The following RNF38 variants were observed in gnomAD, a reference collection of about 807,000 sequenced individuals.
The protein encoded by RNF38 is E3 ubiquitin-protein ligase RNF38.
A neutral mutation model predicts 67.2 loss-of-function variants in RNF38; 15 were observed. The observed-to-expected ratio is 0.22, with a 90% confidence interval of 0.15 to 0.34. RNF38 has a LOEUF of 0.34. RNF38 is among the 10% of genes least tolerant of loss of function. RNF38 has a pLI of 1.00. For synonymous variants in RNF38, 220 were observed against 218.8 expected, an observed-to-expected ratio of 1.01 and a Z score of -0.05; for missense variants, 524 against 639.9, an observed-to-expected ratio of 0.82 and a Z score of 1.95.
At chr9:36,450,808 G>C (rs569490074) in intron 1 of RNF38, among the ~76,000 whole-genome samples, 4 of 152,158 alleles carry the variant, frequency 2.6e-5, no homozygotes, top group Non-Finnish European at 5.9e-5. Flanking sequence ...CAGCTACTTG[G>C]GAGGCTGAGG....
intron 1 of RNF38, among the ~76,000 whole-genome samples, chr9:36,390,893 C>T (rs1837030179): frequency 6.6e-6 from 1 of 152,180 alleles, no homozygotes; most frequent in Non-Finnish European, 1.5e-5. Flanking sequence ...GTAACTTTTT[C>T]TGCTGGTGTT....
intron 1 of RNF38, among the ~76,000 whole-genome samples, chr9:36,432,462 C>G (rs1838952813): frequency 6.6e-6 from 1 of 151,640 alleles, no homozygotes; most frequent in Non-Finnish European, 1.5e-5. Context: ...CCACTCATAA[C>G]TTCCCATTTT....
At chr9:36,385,024 T>G (rs1274275855) in intron 2 of RNF38, among the ~76,000 whole-genome samples, 10 of 152,164 alleles carry the variant, frequency 6.6e-5, no homozygotes, top group Non-Finnish European at 1.5e-4. Flanking sequence ...TACAACTACA[T>G]GCGAAGTTGC....
At chr9:36,487,643 T>A, upstream of RNF38, 1 of 907,518 alleles carries the variant, frequency 1.1e-6, no homozygotes, top group Non-Finnish European at 1.3e-6. Context: ...GCAGCAGCGG[T>A]GGCGGCGACG....
intron 1 of RNF38, among the ~76,000 whole-genome samples, chr9:36,397,136 T>C (rs1326563874): frequency 6.7e-6 from 1 of 150,010 alleles, no homozygotes; most frequent in East Asian, 2.0e-4. Context: ...GCTTTGCTCT[T>C]GTTGCCCAGG....
chr9:36,478,710 G>C (rs374848446), intron 1 of RNF38, among the ~76,000 whole-genome samples: 6 of 151,322 alleles, frequency 4.0e-5, no homozygotes, highest in Admixed American at 4.0e-4. Context: ...CCAGCTACTC[G>C]GGAGGCTAAG....
intron 1 of RNF38, among the ~76,000 whole-genome samples, chr9:36,427,828 A>G (rs1006764919): frequency 4.0e-5 from 6 of 151,874 alleles, no homozygotes; most frequent in Non-Finnish European, 7.4e-5. Flanking sequence ...ATCCTGTCTC[A>G]GCCTCCCGAG....
upstream of RNF38, chr9:36,400,530 G>A (rs1293438903): frequency 7.1e-6 from 7 of 991,598 alleles, no homozygotes; most frequent in Non-Finnish European, 8.4e-6. Flanking sequence ...TCGCGCTGCA[G>A]CCAACGGCCG....
intron 1 of RNF38, among the ~76,000 whole-genome samples, chr9:36,472,139 G>C (rs545380172): frequency 2.0e-5 from 3 of 152,282 alleles, no homozygotes; most frequent in African/African-American, 7.2e-5. Context: ...CATTAGCAAA[G>C]ACAGTCAACA....
intron 1 of RNF38, among the ~76,000 whole-genome samples, chr9:36,485,150 C>G (rs1564081682): frequency 6.6e-6 from 1 of 152,262 alleles, no homozygotes; most frequent in East Asian, 1.9e-4. Flanking sequence ...GCCTGGGTGA[C>G]AGAGAGACTC....
At chr9:36,451,517 T>TTTTTTA (rs1839445937) in intron 1 of RNF38, among the ~76,000 whole-genome samples, 1 of 140,064 alleles carries the variant, frequency 7.1e-6, no homozygotes, top group South Asian at 2.5e-4. Flanking sequence ...TTTTTTTTTT[T>TTTTTTA]GAGACGGAGT....
chr9:36,362,760 A>G, intron 4 of RNF38, among the ~76,000 whole-genome samples: 1 of 151,854 alleles, frequency 6.6e-6, no homozygotes, highest in Non-Finnish European at 1.5e-5. Flanking sequence ...CAGCCTTCCG[A>G]GTAGCTGGGA....
chr9:36,439,516 C>T lies in RNF38; in HGVS notation n.242-14833G>A, dbSNP rs559066420. Among the ~76,000 whole-genome samples, 11 of 152,078 alleles carry T rather than the reference C, an allele frequency of 7.2e-5. No homozygotes were observed. In the South Asian group the frequency reaches 1.0e-3, roughly 14 times the overall value. On this transcript the variant is annotated intron_variant and non_coding_transcript_variant, in intron 1 of 3. Transcript: ENST00000488058. ...AATAAGTGGTTATTCCTATATCAAT[C>T]GAAAATAGCCAGGCATGGTAGCTCA...
At chr9:36,478,902 C>T (rs1840186344) in intron 1 of RNF38, among the ~76,000 whole-genome samples, 2 of 151,430 alleles carry the variant, frequency 1.3e-5, no homozygotes, top group African/African-American at 2.4e-5. Flanking sequence ...GGCAATCAAT[C>T]ATTCTGGTAA....
At chr9:36,382,857 C>T (rs58295709) in intron 2 of RNF38, among the ~76,000 whole-genome samples, 324 of 152,258 alleles carry the variant, frequency 2.1e-3, no homozygotes, top group African/African-American at 7.6e-3. Context: ...CTCTACTTGC[C>T]TTAATTACCT....
intron 2 of RNF38, among the ~76,000 whole-genome samples, chr9:36,378,922 C>T (rs1242549258): frequency 1.4e-5 from 2 of 145,348 alleles, no homozygotes; most frequent in African/African-American, 2.5e-5. Context: ...TTTTTTGAGA[C>T]GGAGTTTCAC....
intron 1 of RNF38, among the ~76,000 whole-genome samples, chr9:36,474,266 T>G (rs1184597432): frequency 0.043 from 5,886 of 137,144 alleles, 282 homozygotes; most frequent in East Asian, 0.16. Flanking sequence ...TGAGCCAAGA[T>G]CACGCCACTG....
At chr9:36,483,021 C>T (rs1248509262) in intron 1 of RNF38, among the ~76,000 whole-genome samples, 1 of 152,154 alleles carries the variant, frequency 6.6e-6, no homozygotes. Flanking sequence ...AGATTTCCAC[C>T]CTCACTTGCC....
In RNF38 at chr9:36,376,648, G is replaced by A. The variant is rs151236837; in HGVS notation, c.163-521C>T. 2.8e-3 allele frequency among the ~76,000 whole-genome samples: 423 copies of A among 152,098 alleles called. 2 individuals carry two copies. Among genetic ancestry groups the A allele is most frequent in the African/African-American group, 8.9e-3 (368 of 41,496 alleles). ...TTTTTAAAGAGAGTTACATGGGGCC[G>A]GGCACAGTGGCTCACACCTGTAATC... On this transcript the variant is annotated intron_variant, in intron 2 of 11. Coordinates refer to ENST00000259605, the MANE Select transcript of RNF38 (RefSeq NM_022781.5).
Sources: allele counts gnomAD v4.1 joint callset (sites outside exome capture counted in the v4.1 genomes callset), GRCh38; gene constraint gnomAD v4.1.1; transcripts MANE v1.5; gene names NCBI Gene and HGNC (gene_info 2026-07-23, HGNC 2026-07-21).